The following GLI2 variants were observed in gnomAD, a reference collection of about 807,000 sequenced individuals.
GLI2 encodes transcription activator GLI2.
Under a neutral mutation model 78.9 loss-of-function variants are expected in GLI2, and 22 were observed. The ratio of observed to expected loss-of-function variants is 0.28; its 90% CI spans 0.20 to 0.40. GLI2 has a LOEUF of 0.40. GLI2 is among the 10% of genes least tolerant of loss of function. GLI2 has a pLI of 1.00. For synonymous variants in GLI2, 974 were observed against 963.7 expected (o/e 1.01, Z -0.20); for missense variants, 2,097 against 2,213.2 (o/e 0.95, Z 1.05).
At chr2:120,985,937 T>C (rs2105075529) in intron 12 of GLI2, among the ~76,000 whole-genome samples, 1 of 152,318 alleles carries the variant, frequency 6.6e-6, no homozygotes, top group South Asian at 2.1e-4. Context: ...CTCATCAGGG[T>C]ACATGGCTGT....
intron 5 of GLI2, among the ~76,000 whole-genome samples, chr2:120,962,308 C>T: frequency 6.6e-6 from 1 of 152,166 alleles, no homozygotes; most frequent in East Asian, 1.9e-4. Context: ...AATAATTCTG[C>T]TTAGATGGCA....
At chr2:120,942,862 TTTCA>T (rs548470143) in intron 3 of GLI2, among the ~76,000 whole-genome samples, 354 of 9,892 alleles carry the variant, frequency 0.036, 12 homozygotes, top group Admixed American at 0.12. Flanking sequence ...TCACGCCCTC[TTTCA>T]TTCATTCATT....
At chr2:120,785,464 C>T (rs556128383) in intron 1 of GLI2, among the ~76,000 whole-genome samples, 1 of 152,264 alleles carries the variant, frequency 6.6e-6, no homozygotes, top group South Asian at 2.1e-4. Flanking sequence ...TGGGTGCAGG[C>T]ATCACCTGGG....
intron 2 of GLI2, among the ~76,000 whole-genome samples, chr2:120,839,378 C>G (rs1686760728): frequency 6.6e-6 from 1 of 152,002 alleles, no homozygotes; most frequent in Non-Finnish European, 1.5e-5. Flanking sequence ...GAGGTAATTC[C>G]AGTTTTCTAT....
At chr2:120,916,185 C>T (rs140511473) in intron 2 of GLI2, among the ~76,000 whole-genome samples, 88 of 152,294 alleles carry the variant, frequency 5.8e-4, no homozygotes, top group African/African-American at 2.0e-3. Flanking sequence ...TGAGAAACCC[C>T]GATATCAGGG....
chr2:120,968,734 C>A lies in GLI2; in HGVS notation c.664C>A (p.Arg222=), dbSNP rs763688196. Residue 222 remains arginine (R), a synonymous_variant, in exon 6 of 14, where the codon CGG becomes AGG. Transcript: ENST00000361492. ...PVDVSRFSSP[R]VTPRLSRKRA... ...CACAGTGTCCCGTTTCTCCAGCCCG[C>A]GGGTGACGCCCCGCCTGAGCCGCAA... 5.0e-6 allele frequency: 8 copies of A among 1,613,446 alleles called. No individual in the cohort carries two copies. In the Admixed American group the frequency reaches 6.7e-5, roughly 13 times the overall value.
At position 120,736,064 on chromosome 2, in the gene GLI2, T is replaced by A. The variant is rs908399773; in HGVS notation, c.-252T>A. On this transcript the variant is annotated 5_prime_UTR_variant, in exon 1 of 14. Coordinates refer to ENST00000361492, the MANE Select transcript of GLI2 (RefSeq NM_001374353.1). ...TTGGGCCGCGCGGCGCGCCGCAGCC[T>A]CGGGGAGCCGCCTGCTCGCCGGCGG... Among the ~76,000 whole-genome samples the A allele has an allele frequency of 1.5e-4, 22 of 150,932 alleles. No individual in the cohort carries two copies. Among genetic ancestry groups the A allele is most frequent in the African/African-American group, 4.6e-4 (19 of 40,994 alleles).
intron 10 of GLI2, 113 bp from the exon 11 acceptor site, chr2:120,982,603 G>A: frequency 2.5e-6 from 2 of 797,862 alleles, no homozygotes; most frequent in African/African-American, 1.7e-5. Flanking sequence ...GCATGCTTCT[G>A]AGTGCGCTGA....
intron 2 of GLI2, among the ~76,000 whole-genome samples, chr2:120,817,289 C>G (rs1355335272): frequency 6.6e-6 from 1 of 152,220 alleles, no homozygotes; most frequent in Non-Finnish European, 1.5e-5. Context: ...AAGCCACCCC[C>G]ACTGCCTCCG....
At chr2:120,779,343 T>G (rs1169955447) in intron 1 of GLI2, among the ~76,000 whole-genome samples, 1 of 152,144 alleles carries the variant, frequency 6.6e-6, no homozygotes, top group Non-Finnish European at 1.5e-5. Context: ...CCAGGGTGTG[T>G]GTGAGCCCCT....
intron 2 of GLI2, among the ~76,000 whole-genome samples, chr2:120,874,669 A>C (rs1688642848): frequency 6.6e-6 from 1 of 152,102 alleles, no homozygotes; most frequent in South Asian, 2.1e-4. Context: ...GAAATATAGC[A>C]CGCTAATGAG....
intron 2 of GLI2, among the ~76,000 whole-genome samples, chr2:120,899,421 A>ACACATACACACATG (rs1480266805): frequency 2.3e-5 from 3 of 129,794 alleles, no homozygotes; most frequent in African/African-American, 1.1e-4. Flanking sequence ...ACACACACAC[A>ACACATACACACATG]CACACACATA....
chr2:120,927,566 T>G, intron 3 of GLI2, 100 bp downstream of exon 3: 1 of 822,938 alleles, frequency 1.2e-6, no homozygotes, highest in Non-Finnish European at 2.2e-6. Context: ...CTGTCTTTCT[T>G]TTGGGGGTTC....
intron 2 of GLI2, among the ~76,000 whole-genome samples, chr2:120,841,315 C>T (rs1306138535): frequency 6.6e-6 from 1 of 152,172 alleles, no homozygotes; most frequent in Non-Finnish European, 1.5e-5. Flanking sequence ...ACCAAGGCTT[C>T]TACGCTCCAT....
intron 2 of GLI2, among the ~76,000 whole-genome samples, chr2:120,844,198 C>T (rs931102797): frequency 1.3e-5 from 2 of 152,142 alleles, no homozygotes; most frequent in African/African-American, 4.8e-5. Context: ...CCAGGCCATA[C>T]GTATGGTCTC....
At chr2:120,763,764 T>A (rs1337278363) in intron 1 of GLI2, among the ~76,000 whole-genome samples, 2 of 152,238 alleles carry the variant, frequency 1.3e-5, no homozygotes, top group African/African-American at 4.8e-5. Flanking sequence ...AGGACCGCTT[T>A]GCTGAAGGGG....
rs924783141 is a variant in GLI2, at chr2:120,870,902, C to T, written c.149-56459C>T. On this transcript the variant is annotated intron_variant, in intron 2 of 13. Coordinates refer to ENST00000361492, the MANE Select transcript of GLI2 (RefSeq NM_001374353.1). ...CAGCCATCAGGCACCAATTCTAGACCGAGTCCTGGGCCGCCACAGAAACTC... is the reference window on the plus strand; with the variant it reads ...CAGCCATCAGGCACCAATTCTAGACTGAGTCCTGGGCCGCCACAGAAACTC... 3.3e-5 allele frequency among the ~76,000 whole-genome samples: 5 copies of T among 152,144 alleles called. No homozygotes were observed. The South Asian group carries it at 6.2e-4, about 19-fold the overall frequency.
At chr2:120,798,560 T>C (rs1415334306) in intron 2 of GLI2, among the ~76,000 whole-genome samples, 2 of 152,178 alleles carry the variant, frequency 1.3e-5, no homozygotes, top group Non-Finnish European at 2.9e-5. Context: ...GAGGTCATTA[T>C]TGGGATGTGT....
chr2:120,909,864 CAAAAT>C (rs924469810), intron 2 of GLI2, among the ~76,000 whole-genome samples: 28 of 152,300 alleles, frequency 1.8e-4, no homozygotes, highest in African/African-American at 6.3e-4. Context: ...GACTCCGTCT[CAAAAT>C]AAAATAAAAT....
Sources: allele counts gnomAD v4.1 joint callset (sites outside exome capture counted in the v4.1 genomes callset), GRCh38; gene constraint gnomAD v4.1.1; transcripts MANE v1.5; gene names NCBI Gene and HGNC (gene_info 2026-07-23, HGNC 2026-07-21).